Variants in DPP6 observed in about 807,000 individuals in gnomAD.
DPP6 encodes A-type potassium channel modulatory protein DPP6.
DPP6 carries 69 observed loss-of-function variants against 122.6 expected under a neutral mutation model. The observed-to-expected ratio is 0.56, with a 90% CI of 0.46 to 0.69. The LOEUF (loss-of-function observed/expected upper bound fraction) is 0.69, where lower values mean the gene tolerates loss of function less well. DPP6 is among the 30% of genes least tolerant of loss of function. The probability of loss-of-function intolerance (pLI) is 0.00; values close to 1 mark genes in which losing one functional copy is unlikely to be tolerated. For missense variants in DPP6, 928 were observed against 1,116.9 expected, an observed-to-expected ratio of 0.83 and a Z score of 2.41; for synonymous variants, 418 against 433.1, an observed-to-expected ratio of 0.97 and a Z score of 0.43.
At chr7:154,720,409 C>T (rs1841737650) in intron 7 of DPP6, among the ~76,000 whole-genome samples, 1 of 152,238 alleles carries the variant, frequency 6.6e-6, no homozygotes, top group African/African-American at 2.4e-5. Context: ...TGTTATCATT[C>T]TCCTGGGCCT....
chr7:154,566,827 T>A lies in DPP6; in HGVS notation c.553-15T>A, dbSNP rs1830781991. On this transcript the variant is annotated splice_polypyrimidine_tract_variant and intron_variant, in intron 4 of 25. Coordinates refer to ENST00000377770, the MANE Select transcript of DPP6 (RefSeq NM_130797.4). ...ATGTAATGCTTTAAAATTCTTTGTC[T>A]ATTTTTTCTTTTAGGAATCATTAAG... The A allele has an allele frequency of 5.5e-6, 8 of 1,457,348 alleles. No individual in the cohort carries two copies. The highest frequency in any genetic ancestry group is 7.6e-6 in the Non-Finnish European group (8 of 1,047,990). 90.3% of individuals were successfully genotyped at this position (1,457,348 alleles called of 1,614,324 possible). A position where few individuals can be genotyped will look rare whatever the true frequency, so the allele number is the denominator to read the frequency against.
intron 2 of DPP6, among the ~76,000 whole-genome samples, chr7:154,451,616 C>T (rs910973907): frequency 1.3e-5 from 2 of 152,182 alleles, no homozygotes; most frequent in African/African-American, 4.8e-5. Context: ...ACCACAGCAG[C>T]CTCCCCTCTG....
chr7:154,459,646 G>A (rs778905124), intron 2 of DPP6, among the ~76,000 whole-genome samples: 4 of 151,556 alleles, frequency 2.6e-5, no homozygotes, highest in East Asian at 2.0e-4. Flanking sequence ...CCTGGTCTCC[G>A]TATCTGCTAA....
intron 8 of DPP6, among the ~76,000 whole-genome samples, chr7:154,730,950 G>A (rs1321201632): frequency 2.0e-5 from 3 of 152,246 alleles, no homozygotes; most frequent in Non-Finnish European, 2.9e-5. Context: ...ACACGAAATT[G>A]TGTTGATGTG....
At chr7:154,433,790 C>T (rs1818641948) in intron 1 of DPP6, among the ~76,000 whole-genome samples, 1 of 152,196 alleles carries the variant, frequency 6.6e-6, no homozygotes, top group Non-Finnish European at 1.5e-5. Flanking sequence ...CCACTTTTCT[C>T]CAGATAAGTA....
intron 3 of DPP6, among the ~76,000 whole-genome samples, chr7:154,511,011 G>A (rs1302280897): frequency 3.3e-5 from 5 of 150,382 alleles, no homozygotes; most frequent in Non-Finnish European, 7.4e-5. Flanking sequence ...CCCTGGCGTG[G>A]AGGAGGTATG....
At chr7:154,539,452 A>G (rs1200030667) in intron 3 of DPP6, among the ~76,000 whole-genome samples, 1 of 152,084 alleles carries the variant, frequency 6.6e-6, no homozygotes, top group Non-Finnish European at 1.5e-5. Context: ...TGGACACAGG[A>G]AGGGGAACAT....
intron 4 of DPP6, among the ~76,000 whole-genome samples, chr7:154,553,104 G>T (rs1351916109): frequency 2.6e-5 from 4 of 152,190 alleles, no homozygotes; most frequent in Non-Finnish European, 5.9e-5. Flanking sequence ...AATAAGAAAG[G>T]GGTTTGTAGA....
intron 12 of DPP6, among the ~76,000 whole-genome samples, chr7:154,797,105 A>G (rs1798092995): frequency 1.3e-5 from 2 of 152,246 alleles, no homozygotes; most frequent in African/African-American, 4.8e-5. Flanking sequence ...TGTTCATCTC[A>G]CATTAGACAA....
At chr7:154,404,117 G>A (rs980788216) in intron 1 of DPP6, among the ~76,000 whole-genome samples, 1 of 152,162 alleles carries the variant, frequency 6.6e-6, no homozygotes, top group Admixed American at 6.5e-5. Context: ...TTTTAGTGAT[G>A]GACTTGGAAG....
At chr7:154,661,693 G>C (rs1426696769) in intron 6 of DPP6, among the ~76,000 whole-genome samples, 11 of 145,034 alleles carry the variant, frequency 7.6e-5, no homozygotes, top group Non-Finnish European at 1.1e-4. Flanking sequence ...TATTCATATA[G>C]TCATGGTGAA....
At chr7:153,973,398 A>C (rs1796124055) in intron 1 of DPP6, among the ~76,000 whole-genome samples, 1 of 152,342 alleles carries the variant, frequency 6.6e-6, no homozygotes, top group East Asian at 1.9e-4. Context: ...CTTTTCAAAC[A>C]TTCAGTAAAA....
At chr7:154,655,125 T>C (rs1837153456) in intron 6 of DPP6, among the ~76,000 whole-genome samples, 1 of 152,162 alleles carries the variant, frequency 6.6e-6, no homozygotes, top group African/African-American at 2.4e-5. Context: ...AGAAAACACA[T>C]ATGATTAGAC....
At chr7:154,030,147 G>T (rs1316478348) in intron 1 of DPP6, among the ~76,000 whole-genome samples, 1 of 152,206 alleles carries the variant, frequency 6.6e-6, no homozygotes, top group East Asian at 1.9e-4. Flanking sequence ...AGTGAGCCAT[G>T]TTAGCACCAC....
chr7:154,881,145 C>A, intron 21 of DPP6: 1 of 899,174 alleles, frequency 1.1e-6, no homozygotes, highest in Non-Finnish European at 1.5e-6. Context: ...TTTCTTTTTA[C>A]ATTATCTGGA....
At chr7:154,523,978 G>C (rs1311754234) in intron 3 of DPP6, among the ~76,000 whole-genome samples, 2 of 152,106 alleles carry the variant, frequency 1.3e-5, no homozygotes, top group African/African-American at 4.8e-5. Context: ...CAAGTTTTAC[G>C]ACAGGGGCTA....
At chr7:154,644,496 C>T (rs1836315572) in intron 6 of DPP6, among the ~76,000 whole-genome samples, 1 of 152,148 alleles carries the variant, frequency 6.6e-6, no homozygotes, top group South Asian at 2.1e-4. Flanking sequence ...TGAGAATTCT[C>T]AGCACCCATG....
At chr7:153,923,842 A>G (rs1260835731) in intron 1 of DPP6, among the ~76,000 whole-genome samples, 3 of 150,166 alleles carry the variant, frequency 2.0e-5, no homozygotes, top group African/African-American at 7.3e-5. Flanking sequence ...ACATCTTTGT[A>G]TCTCACCCTC....
chr7:154,782,585 T>C (rs1305499733), intron 10 of DPP6, among the ~76,000 whole-genome samples: 1 of 152,092 alleles, frequency 6.6e-6, no homozygotes, highest in East Asian at 1.9e-4. Flanking sequence ...TATAGTTAAA[T>C]AGCGCTTGGA....
Sources: allele counts gnomAD v4.1 joint callset (sites outside exome capture counted in the v4.1 genomes callset), GRCh38; gene constraint gnomAD v4.1.1; transcripts MANE v1.5; gene names NCBI Gene and HGNC (gene_info 2026-07-23, HGNC 2026-07-21).